Variants in SLC39A11 observed in about 807,000 individuals in gnomAD.
The protein encoded by SLC39A11 is solute carrier family 39 member 11, also known as zinc transporter ZIP11.
A neutral mutation model predicts 36.1 loss-of-function variants in SLC39A11; 33 were observed. The ratio of observed to expected loss-of-function variants is 0.91; its 90% CI spans 0.69 to 1.22. The LOEUF (loss-of-function observed/expected upper bound fraction) is 1.22, where lower values mean the gene tolerates loss of function less well. Among genes scored for constraint, SLC39A11 ranks in the 50% most tolerant of loss-of-function variants. SLC39A11 has a pLI of 0.00. For synonymous variants in SLC39A11, 166 were observed against 170.3 expected, an observed-to-expected ratio of 0.97 and a Z score of 0.20; for missense variants, 432 against 430.3, an observed-to-expected ratio of 1.00 and a Z score of -0.03.
chr17:73,087,201 T>C (rs1023206273), intron 2 of SLC39A11, among the ~76,000 whole-genome samples: 3 of 152,224 alleles, frequency 2.0e-5, no homozygotes, highest in Admixed American at 1.3e-4. Flanking sequence ...GCATCTTATA[T>C]ACCTAGGTTC....
In SLC39A11 at chr17:73,080,386, A is replaced by G. The variant is rs142226777; in HGVS notation, c.147+4422T>C. Among the ~76,000 whole-genome samples the G allele has an allele frequency of 4.0e-3, 616 of 152,340 alleles. 6 individuals are homozygous for G. Among genetic ancestry groups the G allele is most frequent in the African/African-American group, 0.014 (575 of 41,584 alleles). ...AAGCAAACAAAAACAAAGTGGAGAA[A>G]GGACGTCCTATTCAACAAATGGTGC... On this transcript the variant is annotated intron_variant, in intron 3 of 9. Coordinates refer to ENST00000255559, the MANE Select transcript of SLC39A11 (RefSeq NM_139177.4).
chr17:72,894,223 G>A (rs560109900), intron 5 of SLC39A11, among the ~76,000 whole-genome samples: 9 of 151,230 alleles, frequency 6.0e-5, no homozygotes, highest in East Asian at 1.9e-4. Context: ...TTAGCTGTGC[G>A]TGGTGGCGCA....
At chr17:72,976,661 C>T (rs1193266445) in intron 4 of SLC39A11, among the ~76,000 whole-genome samples, 3 of 152,102 alleles carry the variant, frequency 2.0e-5, no homozygotes, top group African/African-American at 7.2e-5. Context: ...CCATCCAGGC[C>T]AACATGGTGA....
At chr17:72,934,539 G>A (rs1271521618) in intron 5 of SLC39A11, among the ~76,000 whole-genome samples, 1 of 152,082 alleles carries the variant, frequency 6.6e-6, no homozygotes, top group South Asian at 2.1e-4. Context: ...GGTGGCGTGT[G>A]CCTGTAGTCC....
chr17:72,789,534 A>T (rs75916247), intron 6 of SLC39A11, among the ~76,000 whole-genome samples: 2,937 of 152,330 alleles, frequency 0.019, 44 homozygotes, highest in South Asian at 0.084. Flanking sequence ...GAACAGGCCT[A>T]TAACTCGGAA....
At chr17:72,648,767 G>T in intron 9 of SLC39A11, 36 bp downstream of exon 9, 1 of 1,611,514 alleles carries the variant, frequency 6.2e-7, no homozygotes, top group South Asian at 1.1e-5. Context: ...AGCTGGGACT[G>T]GGACAGGGAC....
At chr17:73,041,910 C>T (rs1191561340) in intron 3 of SLC39A11, among the ~76,000 whole-genome samples, 2 of 152,120 alleles carry the variant, frequency 1.3e-5, no homozygotes, top group African/African-American at 4.8e-5. Flanking sequence ...GCTCATAATC[C>T]GATCTCTTTT....
In SLC39A11 at chr17:72,677,559, C is replaced by T. The variant is rs369786296; in HGVS notation, c.672-28291G>A. On this transcript the variant is annotated intron_variant, in intron 7 of 9. Transcript: ENST00000255559. ...AAGTGACGCGGCCATCTTTAAATGG[C>T]ATGTTTTTAACATCAGGGCAAATGA... Among the ~76,000 whole-genome samples the T allele has an allele frequency of 4.1e-5, 6 of 146,340 alleles. No homozygotes were observed. In the East Asian group the frequency reaches 8.0e-4, roughly 20 times the overall value.
At chr17:72,866,817 AT>A (rs2146306691) in intron 5 of SLC39A11, among the ~76,000 whole-genome samples, 1 of 152,338 alleles carries the variant, frequency 6.6e-6, no homozygotes, top group South Asian at 2.1e-4. Context: ...ATGCAATTTG[AT>A]TTTTCTTTCA....
intron 7 of SLC39A11, among the ~76,000 whole-genome samples, chr17:72,728,375 G>C (rs960959493): frequency 6.6e-6 from 1 of 151,632 alleles, no homozygotes; most frequent in Non-Finnish European, 1.5e-5. Context: ...CCAGGGGGTC[G>C]AGGGTGCAGT....
At chr17:73,000,463 C>T (rs1332542230) in intron 4 of SLC39A11, among the ~76,000 whole-genome samples, 1 of 152,158 alleles carries the variant, frequency 6.6e-6, no homozygotes, top group African/African-American at 2.4e-5. Context: ...GAACAAGGCA[C>T]ATAGGCCTCT....
At chr17:72,807,186 CTTTTG>C (rs758046958) in intron 6 of SLC39A11, among the ~76,000 whole-genome samples, 1 of 152,114 alleles carries the variant, frequency 6.6e-6, no homozygotes, top group African/African-American at 2.4e-5. Context: ...TTCATTGTTG[CTTTTG>C]TTTTATGTTT....
intron 3 of SLC39A11, among the ~76,000 whole-genome samples, chr17:73,064,668 T>C (rs1298352683): frequency 1.3e-5 from 2 of 152,040 alleles, no homozygotes; most frequent in Non-Finnish European, 1.5e-5. Flanking sequence ...ATTGCAAAGG[T>C]GCTCACAGGG....
At chr17:73,015,023 G>A (rs111507853) in intron 4 of SLC39A11, among the ~76,000 whole-genome samples, 61 of 152,306 alleles carry the variant, frequency 4.0e-4, no homozygotes, top group African/African-American at 1.3e-3. Flanking sequence ...CTATCAGTCA[G>A]TGCTTGTTGA....
intron 7 of SLC39A11, among the ~76,000 whole-genome samples, chr17:72,731,182 A>G (rs915911930): frequency 1.3e-5 from 2 of 152,180 alleles, no homozygotes. Context: ...GGCAGCTTCT[A>G]CTCTAGAATG....
At chr17:72,788,168 C>A (rs1377067846) in intron 6 of SLC39A11, among the ~76,000 whole-genome samples, 1 of 152,184 alleles carries the variant, frequency 6.6e-6, no homozygotes, top group Admixed American at 6.5e-5. Context: ...CTAGGCCAAT[C>A]CTTTCCCCAC....
At position 72,889,491 on chromosome 17, in the gene SLC39A11, C is replaced by T. The variant is rs182490919; in HGVS notation, c.431-39687G>A. Reference sequence around the variant, plus strand: ...GGTGGAGGTTGCAGTGAGCTGAGATCGTGCCACTGCACTCCAGCCTGGGTG... The same window carrying T: ...GGTGGAGGTTGCAGTGAGCTGAGATTGTGCCACTGCACTCCAGCCTGGGTG... On this transcript the variant is annotated intron_variant, in intron 5 of 9. Coordinates refer to ENST00000255559, the MANE Select transcript of SLC39A11 (RefSeq NM_139177.4). Among the ~76,000 whole-genome samples, 179 of 131,854 alleles carry T rather than the reference C, an allele frequency of 1.4e-3. 1 individual carries two copies. Among genetic ancestry groups the T allele is most frequent in the African/African-American group, 4.9e-3 (175 of 35,544 alleles). 86.5% of individuals were successfully genotyped at this position (131,854 alleles called of 152,430 possible). A position where few individuals can be genotyped will look rare whatever the true frequency, so the allele number is the denominator to read the frequency against.
chr17:72,876,478 T>C (rs1197884463), intron 5 of SLC39A11, among the ~76,000 whole-genome samples: 1 of 152,216 alleles, frequency 6.6e-6, no homozygotes, highest in Non-Finnish European at 1.5e-5. Context: ...TTATGGTTTC[T>C]TTTGAATAAA....
At chr17:72,659,006 G>T (rs1318179678) in intron 7 of SLC39A11, among the ~76,000 whole-genome samples, 1 of 152,172 alleles carries the variant, frequency 6.6e-6, no homozygotes, top group Non-Finnish European at 1.5e-5. Flanking sequence ...CTTCTACAAA[G>T]GGTGTGCCTT....
Sources: gnomAD v4.1 joint callset for allele counts (sites outside exome capture counted in the v4.1 genomes callset) on GRCh38, gnomAD v4.1.1 for gene constraint, MANE v1.5 for transcripts, NCBI Gene and HGNC (gene_info 2026-07-23, HGNC 2026-07-21) for gene names.